Variants in NAV1 observed in about 807,000 individuals in gnomAD.
NAV1 encodes neuron navigator 1.
Under a neutral mutation model 175.2 loss-of-function variants are expected in NAV1, and 18 were observed. That is an observed-to-expected ratio of 0.10 (90% CI 0.07 to 0.15). The LOEUF (loss-of-function observed/expected upper bound fraction) is 0.15, where lower values mean the gene tolerates loss of function less well. NAV1 is among the 10% of genes least tolerant of loss of function. The pLI is 1.00. For synonymous variants in NAV1, 897 were observed against 978.7 expected (o/e 0.92, Z 1.56); for missense variants, 1,731 against 2,436.6 (o/e 0.71, Z 6.10).
At chr1:201,766,096 A>T (rs1007959137) in intron 3 of NAV1, among the ~76,000 whole-genome samples, 8 of 152,218 alleles carry the variant, frequency 5.3e-5, no homozygotes, top group African/African-American at 1.9e-4. Context: ...CATATCCTCC[A>T]ATTTCATATA....
At chr1:201,591,581 G>A (rs1193028931) in intron 2 of NAV1, among the ~76,000 whole-genome samples, 1 of 152,224 alleles carries the variant, frequency 6.6e-6, no homozygotes, top group Non-Finnish European at 1.5e-5. Flanking sequence ...GTGTGTAAAT[G>A]TATGCAGATG....
intron 3 of NAV1, among the ~76,000 whole-genome samples, chr1:201,763,669 T>G (rs1175293006): frequency 2.6e-5 from 4 of 152,224 alleles, no homozygotes; most frequent in African/African-American, 9.6e-5. Context: ...TTCTTCTTGC[T>G]CTGGCCCTGC....
In NAV1 at chr1:201,788,399, G is replaced by T; in HGVS notation, c.2996-69G>T. ...GCTCCATCCCCCAAGGGCCCGGAGA[G>T]CTGATGACCCTGCCTCTTTTCCTGC... On this transcript the variant is annotated intron_variant, in intron 9 of 29. Transcript: ENST00000367296. This position sits in a 1 kb window ranked among gnomAD's most constrained non-coding sequence, Gnocchi z 5.7. 1 of 1,562,890 alleles carries T rather than the reference G, an allele frequency of 6.4e-7. No homozygotes were observed.
chr1:201,810,183 C>A lies in NAV1; in HGVS notation c.4561+78C>A. ...ATCATCAAATAATCCATCATGCATTCATTCACCAAGAACTCACTGAGAAGG... is the reference window on the plus strand; with the variant it reads ...ATCATCAAATAATCCATCATGCATTAATTCACCAAGAACTCACTGAGAAGG... On this transcript the variant is annotated intron_variant, in intron 23 of 29. Coordinates refer to ENST00000367296, the Ensembl canonical transcript of NAV1. The surrounding 1 kb of genome is among the most constrained non-coding windows in gnomAD (Gnocchi z 6.0). 6.5e-7 allele frequency: 1 copy of A among 1,545,808 alleles called. No homozygotes were observed. The highest frequency in any genetic ancestry group is 1.8e-5 in the Admixed American group (1 of 56,114).
chr1:201,711,475 G>T (rs574851321), intron 1 of NAV1, among the ~76,000 whole-genome samples: 68 of 152,340 alleles, frequency 4.5e-4, no homozygotes, highest in Middle Eastern at 6.8e-3. Context: ...CTCTTGAAGA[G>T]ATTCAGAAAT....
intron 3 of NAV1, chr1:201,724,079 G>T (rs1672503617): frequency 6.6e-6 from 1 of 152,060 alleles, no homozygotes; most frequent in Admixed American, 6.5e-5. Flanking sequence ...TTAAAATTTG[G>T]CACCTAGACT....
chr1:201,811,794 T>G (rs1431165416), intron 25 of NAV1, 37 bp downstream of exon 29: 5 of 1,605,148 alleles, frequency 3.1e-6, no homozygotes, highest in Non-Finnish European at 4.3e-6. Flanking sequence ...TTCATCGAAG[T>G]GGGAGGAGGG....
At chr1:201,602,652 T>G (rs6656589) in intron 2 of NAV1, among the ~76,000 whole-genome samples, 3,562 of 94,280 alleles carry the variant, frequency 0.038, 143 homozygotes, top group African/African-American at 0.12. Context: ...TTTTTTTTGG[T>G]TTTTTTTTTT....
intron 1 of NAV1, among the ~76,000 whole-genome samples, chr1:201,549,077 C>CTCTT (rs200725995): frequency 0.1 from 13,212 of 129,890 alleles, 1,242 homozygotes; most frequent in African/African-American, 0.13. Context: ...TTCTAGTTTT[C>CTCTT]TCTTTCTTTC....
intron 15 of NAV1, among the ~76,000 whole-genome samples, chr1:201,799,075 C>CA (rs369106401): frequency 1.3e-5 from 2 of 148,754 alleles, no homozygotes; most frequent in African/African-American, 2.5e-5. Flanking sequence ...CATCCATCTT[C>CA]AAAAAAAAGA....
exon 30 of NAV1, chr1:201,819,841 C>A: frequency 6.2e-7 from 1 of 1,614,066 alleles, no homozygotes; most frequent in Non-Finnish European, 8.5e-7. Context: ...CTTTAGATGG[C>A]CATGCTGCTG....
chr1:201,602,431 T>G (rs1667544432), intron 2 of NAV1, among the ~76,000 whole-genome samples: 1 of 152,142 alleles, frequency 6.6e-6, no homozygotes, highest in African/African-American at 2.4e-5. Context: ...AACCTCTGCC[T>G]CCCAAGTTCA....
intron 2 of NAV1, among the ~76,000 whole-genome samples, chr1:201,606,661 GTTA>G (rs1328929137): frequency 6.6e-6 from 1 of 152,216 alleles, no homozygotes; most frequent in Non-Finnish European, 1.5e-5. Flanking sequence ...CAGTTCACTT[GTTA>G]TTATCTGTGT....
At chr1:201,678,459 G>C (rs139479471) in intron 1 of NAV1, among the ~76,000 whole-genome samples, 85 of 152,258 alleles carry the variant, frequency 5.6e-4, no homozygotes, top group African/African-American at 1.9e-3. Context: ...TTACAGATGA[G>C]GGTGTTGAGG....
At chr1:201,746,472 A>G (rs923527028) in intron 3 of NAV1, among the ~76,000 whole-genome samples, 1 of 152,202 alleles carries the variant, frequency 6.6e-6, no homozygotes, top group African/African-American at 2.4e-5. Flanking sequence ...GTGCCAAGAA[A>G]TTCTGTTAAT....
rs184258270 is a variant in NAV1, at chr1:201,642,251, C to T, written c.5-6383C>T. On this transcript the variant is annotated intron_variant, in intron 2 of 29. Coordinates refer to the NAV1 transcript ENST00000367302. ...TTTCTTTCTCGGAGTCTTGGTCTGT[C>T]GCCCAGGCTGGAGTGCAGTGGCGCG... is the stretch of plus-strand genomic sequence containing the variant. 3.3e-4 allele frequency among the ~76,000 whole-genome samples: 48 copies of T among 146,978 alleles called. No homozygotes were observed. In the East Asian group the frequency reaches 8.8e-3, roughly 27 times the overall value.
chr1:201,614,346 C>T (rs1195835337), intron 2 of NAV1, among the ~76,000 whole-genome samples: 5 of 152,244 alleles, frequency 3.3e-5, no homozygotes, highest in Non-Finnish European at 5.9e-5. Context: ...ATCAGCACCA[C>T]GGCCGCCGCC....
chr1:201,559,312 G>T (rs926841443), intron 1 of NAV1, among the ~76,000 whole-genome samples: 2 of 152,122 alleles, frequency 1.3e-5, no homozygotes, highest in African/African-American at 4.8e-5. Flanking sequence ...TCCTGCCCTT[G>T]AGAAGCTCCC....
chr1:201,817,214 A>C, exon 29 of NAV1: 2 of 1,614,170 alleles, frequency 1.2e-6, no homozygotes, highest in Non-Finnish European at 1.7e-6. Flanking sequence ...GGGCCCTCAC[A>C]GCATTGCCTC....
Sources: allele counts gnomAD v4.1 joint callset (sites outside exome capture counted in the v4.1 genomes callset), GRCh38; gene constraint gnomAD v4.1.1; non-coding constraint Gnocchi (gnomAD v3.1); transcripts MANE v1.5; gene names NCBI Gene and HGNC (gene_info 2026-07-23, HGNC 2026-07-21).